The following BRI3BP variants were observed in gnomAD, a reference collection of about 807,000 sequenced individuals.
BRI3BP encodes BRI3-binding protein.
In BRI3BP, 7 loss-of-function variants were observed where a neutral mutation model predicts 15.8. That is an observed-to-expected ratio of 0.44 (90% CI 0.25 to 0.83). The LOEUF (loss-of-function observed/expected upper bound fraction) is 0.83, where lower values mean the gene tolerates loss of function less well. Among genes scored for constraint, BRI3BP ranks in the 40% least tolerant of loss-of-function variants. The pLI is 0.20. For missense variants in BRI3BP, 320 were observed against 339.3 expected (o/e 0.94, Z 0.45); for synonymous variants, 192 against 163.5 (o/e 1.17, Z -1.33).
chr12:125,017,729 G>T (rs974751732), intron 2 of BRI3BP, among the ~76,000 whole-genome samples: 10 of 152,096 alleles, frequency 6.6e-5, no homozygotes, highest in Admixed American at 6.6e-4. Flanking sequence ...TGGATTTAAG[G>T]CTCATGTCTT....
At chr12:125,015,234 G>A (rs943256642) in intron 2 of BRI3BP, among the ~76,000 whole-genome samples, 3 of 152,158 alleles carry the variant, frequency 2.0e-5, no homozygotes, top group African/African-American at 4.8e-5. Context: ...AAATGAGATC[G>A]TCTTGGATTA....
chr12:124,993,835 CCTG>C lies in BRI3BP; in HGVS notation c.72_74del (p.Leu25del), dbSNP rs61379857. The C allele has an allele frequency of 1.5e-3, 1,683 of 1,126,310 alleles. No individual in the cohort carries two copies. The highest frequency in any genetic ancestry group is 2.8e-3 in the South Asian group (81 of 29,262). The allele number at this position is 1,126,310 out of a possible 1,614,324, so 69.8% of individuals were successfully genotyped here. On this transcript the variant is annotated inframe_deletion, in exon 1 of 3. Transcript: ENST00000341446. The stretch of plus-strand genomic sequence containing the variant: ...GCGGGCCCCTGGCCCGGGCCGGGCT[CCTG>C]CTGCTGCTGCTGCTGCTGCTGCTGC...
the BRI3BP span, among the ~76,000 whole-genome samples, chr12:125,037,470 C>T: frequency 6.6e-6 from 1 of 152,150 alleles, no homozygotes; most frequent in Non-Finnish European, 1.5e-5. Context: ...CCTTAGTGCC[C>T]TGGAGGAAGT....
At chr12:124,994,035 TG>T in intron 1 of BRI3BP, 32 bp downstream of exon 1, 1 of 1,256,090 alleles carries the variant, frequency 8.0e-7, no homozygotes, top group Non-Finnish European at 1.0e-6. Flanking sequence ...GCGGTCACCT[TG>T]CCCCGGTCGC....
At chr12:125,009,047 C>G (rs1485873821) in intron 1 of BRI3BP, among the ~76,000 whole-genome samples, 3 of 151,722 alleles carry the variant, frequency 2.0e-5, no homozygotes, top group Non-Finnish European at 4.4e-5. Context: ...GTGATCTTGA[C>G]TCAGTGTAAC....
In BRI3BP at chr12:125,001,148, G is replaced by A. The variant is rs1955087918; in HGVS notation, c.213+7145G>A. On this transcript the variant is annotated intron_variant, in intron 1 of 2. Coordinates refer to ENST00000341446, the MANE Select transcript of BRI3BP (RefSeq NM_080626.6). ...CGGCCCACTGCAAGCTCCACCTCCT[G>A]TGTTCACGCCATTCTCCTGCCTCAG... 2.6e-5 allele frequency among the ~76,000 whole-genome samples: 4 copies of A among 152,030 alleles called. No individual in the cohort carries two copies. In the South Asian group the frequency reaches 8.3e-4, roughly 32 times the overall value.
the BRI3BP span, among the ~76,000 whole-genome samples, chr12:125,050,047 G>C: frequency 0.13 from 20,286 of 152,160 alleles, 1,714 homozygotes; most frequent in East Asian, 0.24. Context: ...ACTCTTGCGT[G>C]ACACACTAAA....
rs145885672 is a variant in BRI3BP, at chr12:125,000,246, T to C, written c.213+6243T>C. 4.1e-3 allele frequency among the ~76,000 whole-genome samples: 615 copies of C among 151,552 alleles called. 9 individuals are homozygous for C. Among genetic ancestry groups the C allele is most frequent in the African/African-American group, 0.014 (591 of 41,334 alleles). On this transcript the variant is annotated intron_variant, in intron 1 of 2. Coordinates refer to ENST00000341446, the MANE Select transcript of BRI3BP (RefSeq NM_080626.6). Reference sequence around the variant, plus strand: ...ACTGTGCGTATTTAAAGTGTACAGGTTGACACCTTTTGACATACACACTTG... The same window carrying C: ...ACTGTGCGTATTTAAAGTGTACAGGCTGACACCTTTTGACATACACACTTG...
chr12:124,996,381 C>T (rs1955041150), intron 1 of BRI3BP, among the ~76,000 whole-genome samples: 1 of 152,048 alleles, frequency 6.6e-6, no homozygotes, highest in Non-Finnish European at 1.5e-5. Flanking sequence ...TCTTGGCTCA[C>T]GGCAACGTCT....
rs778555442 is a variant in BRI3BP, at chr12:125,025,235, G to A, written c.561G>A (p.Pro187=). The A allele has an allele frequency of 4.2e-5, 68 of 1,613,980 alleles. No homozygotes were observed. The East Asian group carries it at 7.6e-4, about 18-fold the overall frequency. ...YEGEPENAVL[P]LCFVVAVYFM... Reference sequence around the variant, plus strand: ...GCGAGCCGGAGAACGCGGTGCTGCCGCTGTGCTTCGTGGTGGCCGTCTACT... The same window carrying A: ...GCGAGCCGGAGAACGCGGTGCTGCCACTGTGCTTCGTGGTGGCCGTCTACT... Residue 187 remains proline, a synonymous_variant, in exon 3 of 3, where the codon CCG becomes CCA. Transcript: ENST00000341446.
At position 125,028,755 on chromosome 12, in the gene BRI3BP, A is replaced by AT. The variant is rs550773006; in HGVS notation, c.*3332dup. 6.6e-6 allele frequency: 1 copy of AT among 152,014 alleles called. No individual in the cohort carries two copies. Among genetic ancestry groups the AT allele is most frequent in the Non-Finnish European group, 1.5e-5 (1 of 68,000 alleles). The allele number at this position is 152,014 out of a possible 1,614,324, so 9.4% of individuals were successfully genotyped here. On this transcript the variant is annotated 3_prime_UTR_variant, in exon 3 of 3. Coordinates refer to ENST00000341446, the MANE Select transcript of BRI3BP (RefSeq NM_080626.6). ...ACATCTTACCCCAAAATAATTGGGG[A>AT]TTTTTTTGTTCCTTCTCCATTCCAT...
intron 1 of BRI3BP, among the ~76,000 whole-genome samples, chr12:124,995,561 G>A (rs565402890): frequency 6.6e-6 from 1 of 152,318 alleles, no homozygotes; most frequent in East Asian, 1.9e-4. Context: ...TATTCTGGCA[G>A]AGCATCTCCG....
At chr12:125,000,554 T>C (rs6488970) in intron 1 of BRI3BP, among the ~76,000 whole-genome samples, 119,925 of 151,758 alleles carry the variant, frequency 0.79, 48,143 homozygotes, top group East Asian at 1. Context: ...ACCTCATGAT[T>C]GCCTGCCTCG....
intron 1 of BRI3BP, among the ~76,000 whole-genome samples, chr12:125,010,170 C>G (rs1178284531): frequency 6.6e-6 from 1 of 152,032 alleles, no homozygotes; most frequent in East Asian, 1.9e-4. Context: ...ACCATGTGCT[C>G]AAAGCATTTC....
intron 1 of BRI3BP, among the ~76,000 whole-genome samples, chr12:124,996,516 G>A (rs1038945439): frequency 2.2e-4 from 34 of 151,954 alleles, no homozygotes; most frequent in African/African-American, 8.2e-4. Context: ...GTAGAGATGA[G>A]GTTTCATCAT....
intron 1 of BRI3BP, among the ~76,000 whole-genome samples, chr12:125,009,821 G>A (rs910345208): frequency 1.3e-5 from 2 of 152,154 alleles, no homozygotes; most frequent in Non-Finnish European, 2.9e-5. Context: ...TTGGACATCG[G>A]CCGGGCATGG....
chr12:124,995,238 G>A (rs1035355387), intron 1 of BRI3BP, among the ~76,000 whole-genome samples: 3 of 152,202 alleles, frequency 2.0e-5, no homozygotes, highest in African/African-American at 7.2e-5. Flanking sequence ...AGAACGCTTT[G>A]TAGGTGGCCA....
chr12:125,005,029 A>G (rs1373304920), intron 1 of BRI3BP, among the ~76,000 whole-genome samples: 1 of 152,042 alleles, frequency 6.6e-6, no homozygotes, highest in Non-Finnish European at 1.5e-5. Context: ...TGTTTTTAGT[A>G]GAGTCAAGAG....
chr12:125,023,171 C>T (rs1448546047), intron 2 of BRI3BP, among the ~76,000 whole-genome samples: 1 of 152,140 alleles, frequency 6.6e-6, no homozygotes, highest in Non-Finnish European at 1.5e-5. Context: ...ATTGGCTTAA[C>T]CAAGATGGAC....
Sources: gnomAD v4.1 joint callset for allele counts (sites outside exome capture counted in the v4.1 genomes callset) on GRCh38, gnomAD v4.1.1 for gene constraint, MANE v1.5 for transcripts, NCBI Gene and HGNC (gene_info 2026-07-23, HGNC 2026-07-21) for gene names.